Variants in ATP9B observed in about 807,000 individuals in gnomAD.
The protein encoded by ATP9B is probable phospholipid-transporting ATPase IIB.
Under a neutral mutation model 146.1 loss-of-function variants are expected in ATP9B, and 110 were observed. The ratio of observed to expected loss-of-function variants is 0.75; its 90% CI spans 0.65 to 0.88. ATP9B has a LOEUF of 0.88. Ranked by LOEUF, ATP9B falls within the 40% of genes least tolerant of loss-of-function variation. The pLI, the probability that ATP9B is intolerant of heterozygous loss-of-function variation, is 0.00. For synonymous variants in ATP9B, 604 were observed against 569.7 expected (o/e 1.06, Z -0.86); for missense variants, 1,499 against 1,496.4 (o/e 1.00, Z -0.03).
At chr18:79,215,453 G>A (rs574392918) in intron 11 of ATP9B, among the ~76,000 whole-genome samples, 4 of 152,206 alleles carry the variant, frequency 2.6e-5, no homozygotes, top group South Asian at 4.1e-4. Context: ...AGAATGCTGC[G>A]TTACTATTGA....
intron 10 of ATP9B, among the ~76,000 whole-genome samples, chr18:79,213,507 A>T (rs1228562460): frequency 1.3e-5 from 2 of 152,130 alleles, no homozygotes; most frequent in Non-Finnish European, 2.9e-5. Context: ...GCTGTCACTG[A>T]TATTTAGTAA....
In ATP9B at chr18:79,329,202, C is replaced by T. The variant is rs2096777066; in HGVS notation, c.1835C>T (p.Ser612Phe). ...GLTLVSRDLT[S>F]MQLKTPSGQV... ...ACGCTGGTCAGCAGGGACCTCACCT[C>T]CATGCAGCTGAAGACCCCCAGTGGC... Residue 612 changes from serine (S) to phenylalanine (F), a missense_variant, in exon 16 of 30, where the codon TCC (serine) becomes TTC (phenylalanine). Ser to Phe is a radical substitution (Grantham distance 155). Transcript: ENST00000426216. The T allele has an allele frequency of 3.7e-6, 6 of 1,612,480 alleles. No individual in the cohort carries two copies. The highest frequency in any genetic ancestry group is 5.1e-6 in the Non-Finnish European group (6 of 1,179,830).
chr18:79,133,362 A>G (rs1468769379), intron 5 of ATP9B, among the ~76,000 whole-genome samples: 2 of 152,174 alleles, frequency 1.3e-5, no homozygotes, highest in Non-Finnish European at 2.9e-5. Flanking sequence ...GTAATGGCAA[A>G]AACCACAGTT....
chr18:79,325,795 G>T (rs181788449), intron 15 of ATP9B, among the ~76,000 whole-genome samples: 30 of 152,314 alleles, frequency 2.0e-4, no homozygotes, highest in Admixed American at 3.3e-4. Flanking sequence ...AGCATCTCCA[G>T]AGCCAGAAGA....
intron 7 of ATP9B, among the ~76,000 whole-genome samples, chr18:79,166,942 A>G (rs945034821): frequency 2.7e-5 from 4 of 146,104 alleles, no homozygotes; most frequent in Non-Finnish European, 4.4e-5. Flanking sequence ...ACAGCCAGGC[A>G]TGCTGGCTGT....
rs577801889 is a variant in ATP9B at position 79,163,350 on chromosome 18, G to A, written c.778+8795G>A. Among the ~76,000 whole-genome samples the A allele has an allele frequency of 3.2e-4, 49 of 152,166 alleles. 1 individual carries two copies. The highest frequency in any genetic ancestry group is 3.3e-4 in the Admixed American group (5 of 15,274). On this transcript the variant is annotated intron_variant, in intron 7 of 29. Coordinates refer to ENST00000426216, the MANE Select transcript of ATP9B (RefSeq NM_198531.5). ...CAGCTATTTTTTCAGTGTTTAATAA[G>A]TTTACAGAAATTTAGATATTTGTTT...
chr18:79,353,801 G>A (rs939743895), intron 25 of ATP9B: 3 of 152,212 alleles, frequency 2.0e-5, no homozygotes, highest in Non-Finnish European at 2.9e-5. Context: ...TGAAAAGGAG[G>A]CAGCAATGGG....
chr18:79,157,212 ACACACACACACAC>A (rs1353702602), intron 7 of ATP9B, among the ~76,000 whole-genome samples: 1 of 62,140 alleles, frequency 1.6e-5, no homozygotes, highest in Non-Finnish European at 3.7e-5. Context: ...AAAAATACAC[ACACACACACACAC>A]ACACACACAC....
rs182947609 is a variant in ATP9B, at chr18:79,197,929, G to A, written c.954+4666G>A. ...CTTCTAATCTATAGAATAAGGACAT[G>A]TAGTTTATTAAGACTATAGAATATT... is the stretch of plus-strand genomic sequence containing the variant. On this transcript the variant is annotated intron_variant, in intron 9 of 29. Coordinates refer to ENST00000426216, the MANE Select transcript of ATP9B (RefSeq NM_198531.5). Among the ~76,000 whole-genome samples the A allele has an allele frequency of 3.3e-3, 498 of 152,244 alleles. 3 individuals are homozygous for A. The highest frequency in any genetic ancestry group is 0.013 in the South Asian group (62 of 4,818).
chr18:79,187,123 T>G (rs2095314858), intron 8 of ATP9B, among the ~76,000 whole-genome samples: 1 of 152,242 alleles, frequency 6.6e-6, no homozygotes, highest in African/African-American at 2.4e-5. Context: ...AGAGTAGCTT[T>G]GGAGCTTCAG....
intron 6 of ATP9B, chr18:79,144,980 T>A: frequency 4.2e-6 from 1 of 240,678 alleles, no homozygotes; most frequent in Non-Finnish European, 8.3e-6. Flanking sequence ...GTGGAGATTG[T>A]CAGGGCTGCT....
At chr18:79,110,039 A>G (rs1237647022) in intron 2 of ATP9B, among the ~76,000 whole-genome samples, 1 of 152,246 alleles carries the variant, frequency 6.6e-6, no homozygotes, top group Non-Finnish European at 1.5e-5. Flanking sequence ...ACCTATAGCT[A>G]TAGCTATACC....
At chr18:79,118,390 G>GGTTTTTTTTTTTTTTTT (rs1555689295) in intron 4 of ATP9B, among the ~76,000 whole-genome samples, 6 of 93,238 alleles carry the variant, frequency 6.4e-5, no homozygotes, top group South Asian at 3.3e-4. Flanking sequence ...GAACGTTTTT[G>GGTTTTTTTTTTTTTTTT]TTTTTTTTTT....
chr18:79,122,206 A>G (rs1014422638), intron 4 of ATP9B, among the ~76,000 whole-genome samples: 1 of 152,212 alleles, frequency 6.6e-6, no homozygotes, highest in African/African-American at 2.4e-5. Flanking sequence ...CTATATAAAT[A>G]AAATGTGCTT....
intron 2 of ATP9B, among the ~76,000 whole-genome samples, chr18:79,104,920 T>G (rs925769120): frequency 1.3e-5 from 2 of 150,132 alleles, no homozygotes; most frequent in Non-Finnish European, 2.9e-5. Flanking sequence ...ATTTTTTTAT[T>G]TTTATAGAGG....
intron 7 of ATP9B, among the ~76,000 whole-genome samples, chr18:79,160,968 C>A (rs772851104): frequency 6.6e-6 from 1 of 152,122 alleles, no homozygotes; most frequent in Non-Finnish European, 1.5e-5. Flanking sequence ...TGGGGTTTTA[C>A]CACGTTGGCC....
At chr18:79,112,667 G>A (rs2093994836) in intron 3 of ATP9B, among the ~76,000 whole-genome samples, 1 of 151,886 alleles carries the variant, frequency 6.6e-6, no homozygotes, top group Admixed American at 6.6e-5. Flanking sequence ...GATTAAGGCA[G>A]TCTATCTCGT....
chr18:79,107,510 G>A (rs571952095), intron 2 of ATP9B, among the ~76,000 whole-genome samples: 2 of 152,100 alleles, frequency 1.3e-5, no homozygotes, highest in African/African-American at 4.8e-5. Flanking sequence ...CCGAGGCCTC[G>A]GGGGCTTCCT....
rs773697880 is a variant in ATP9B at position 79,303,811 on chromosome 18, C to T, written c.1524+95C>T. 3.0e-5 allele frequency: 23 copies of T among 779,604 alleles called. 1 individual carries two copies. Among genetic ancestry groups the T allele is most frequent in the East Asian group, 1.3e-4 (5 of 38,530 alleles). 48.3% of individuals were successfully genotyped at this position (779,604 alleles called of 1,614,324 possible). The stretch of plus-strand genomic sequence containing the variant: ...GTGTGTTCCCATCTGTAAATTAGCA[C>T]GCTTCTTGGTGGTCTTAACATCCTG... On this transcript the variant is annotated intron_variant, in intron 14 of 29. Transcript: ENST00000426216.
Sources: gnomAD v4.1 joint callset for allele counts (sites outside exome capture counted in the v4.1 genomes callset) on GRCh38, gnomAD v4.1.1 for gene constraint, MANE v1.5 for transcripts, NCBI Gene and HGNC (gene_info 2026-07-23, HGNC 2026-07-21) for gene names.